PPFIBP1: variants seen among roughly 807,000 people sequenced by gnomAD.
PPFIBP1 encodes PPFIB scaffold protein 1.
A neutral mutation model predicts 137.8 loss-of-function variants in PPFIBP1; 112 were observed. The observed-to-expected ratio is 0.81, with a 90% CI of 0.70 to 0.95. The LOEUF (loss-of-function observed/expected upper bound fraction) is 0.95, where lower values mean the gene tolerates loss of function less well. Among genes scored for constraint, PPFIBP1 ranks in the 40% least tolerant of loss-of-function variants. The probability of loss-of-function intolerance (pLI) is 0.00; values close to 1 mark genes in which losing one functional copy is unlikely to be tolerated. For synonymous variants in PPFIBP1, 378 were observed against 417.3 expected, an observed-to-expected ratio of 0.91 and a Z score of 1.15; for missense variants, 1,083 against 1,196.6, an observed-to-expected ratio of 0.91 and a Z score of 1.40.
chr12:27,562,821 CAG>C (rs1403788280), intron 1 of PPFIBP1, among the ~76,000 whole-genome samples: 3 of 152,180 alleles, frequency 2.0e-5, no homozygotes, highest in African/African-American at 4.8e-5. Context: ...TAATATTTAA[CAG>C]AGTCATTTGC....
chr12:27,552,835 C>T (rs1035750301), intron 1 of PPFIBP1: 2 of 151,998 alleles, frequency 1.3e-5, no homozygotes, highest in African/African-American at 4.8e-5. Context: ...GGGTGGGAGT[C>T]AGTGGATGGA....
intron 2 of PPFIBP1, among the ~76,000 whole-genome samples, chr12:27,585,091 A>C (rs2051570299): frequency 6.6e-6 from 1 of 152,226 alleles, no homozygotes; most frequent in Non-Finnish European, 1.5e-5. Flanking sequence ...TGTGACACAG[A>C]GGTTATGTAT....
intron 2 of PPFIBP1, among the ~76,000 whole-genome samples, chr12:27,615,152 C>T (rs1468334736): frequency 6.6e-6 from 1 of 152,198 alleles, no homozygotes. Flanking sequence ...CCGAAAGCCT[C>T]AGCAGAGTGT....
chr12:27,585,480 G>A (rs926756686), intron 2 of PPFIBP1, among the ~76,000 whole-genome samples: 2 of 152,148 alleles, frequency 1.3e-5, no homozygotes, highest in African/African-American at 4.8e-5. Context: ...GATGTTATCC[G>A]TTTAAATTAT....
chr12:27,545,417 C>T (rs1946130859), intron 1 of PPFIBP1, among the ~76,000 whole-genome samples: 1 of 152,122 alleles, frequency 6.6e-6, no homozygotes, highest in South Asian at 2.1e-4. Context: ...CCTGAGATAA[C>T]AATCCAGTTG....
In PPFIBP1 at chr12:27,643,569, G is replaced by A. The variant is rs1177304530; in HGVS notation, c.271-2493G>A. Among the ~76,000 whole-genome samples, 11 of 121,978 alleles carry A rather than the reference G, an allele frequency of 9.0e-5. 1 individual carries two copies. Among genetic ancestry groups the A allele is most frequent in the African/African-American group, 3.9e-4 (11 of 28,206 alleles). The allele number at this position is 121,978 out of a possible 152,430, so 80.0% of individuals were successfully genotyped here. On this transcript the variant is annotated intron_variant, in intron 4 of 29. Coordinates refer to ENST00000228425, the MANE Select transcript of PPFIBP1 (RefSeq NM_003622.4). ...AGAAGAAGAAAGGGTGGGAAAAGAC[G>A]GTCCGTGCAGAAGGAATAAAAGTAG...
rs1469777765 is a variant in PPFIBP1, at chr12:27,607,043, G to T, written c.-35-26319G>T. 2.6e-5 allele frequency among the ~76,000 whole-genome samples: 4 copies of T among 152,324 alleles called. No individual in the cohort carries two copies. In the East Asian group the frequency reaches 7.7e-4, roughly 29 times the overall value. ...ATGGGGCCTAGAATCTGCACTCTCA[G>T]CATGCATTCCATGTGATTCTTATGC... On this transcript the variant is annotated intron_variant, in intron 2 of 29. Transcript: ENST00000228425.
At chr12:27,555,628 C>T (rs549894573) in intron 1 of PPFIBP1, among the ~76,000 whole-genome samples, 2 of 152,312 alleles carry the variant, frequency 1.3e-5, no homozygotes, top group Non-Finnish European at 2.9e-5. Flanking sequence ...AACTCTTCCC[C>T]TTTTCTCTAT....
intron 2 of PPFIBP1, among the ~76,000 whole-genome samples, chr12:27,606,335 T>G (rs1351933816): frequency 2.9e-5 from 1 of 34,258 alleles, no homozygotes; most frequent in Non-Finnish European, 7.6e-5. Flanking sequence ...TGGGGGAGGA[T>G]GAGTTCTCAT....
At chr12:27,578,107 G>A (rs2050723465) in intron 1 of PPFIBP1, 45 bp from the exon 2 acceptor site, 1 of 152,122 alleles carries the variant, frequency 6.6e-6, no homozygotes, top group African/African-American at 2.4e-5. Context: ...TTTTTCTGAT[G>A]TGCTATAATT....
chr12:27,688,877 A>T (rs2061349779), intron 26 of PPFIBP1, 138 bp from the exon 27 acceptor site: 6 of 748,110 alleles, frequency 8.0e-6, no homozygotes, highest in Non-Finnish European at 1.1e-5. Flanking sequence ...CAAAGTCCAT[A>T]TTGTGTCTAC....
intron 2 of PPFIBP1, among the ~76,000 whole-genome samples, chr12:27,620,984 C>G (rs1041546384): frequency 2.0e-5 from 3 of 152,010 alleles, no homozygotes; most frequent in African/African-American, 7.2e-5. Context: ...CTTTCTTTTT[C>G]TTCACTACTG....
chr12:27,688,942 A>G, intron 26 of PPFIBP1, 73 bp from the exon 27 acceptor site: 1 of 1,493,036 alleles, frequency 6.7e-7, no homozygotes, highest in Non-Finnish European at 9.0e-7. Flanking sequence ...AGCTTTGCAA[A>G]TTATAAAGCA....
chr12:27,642,434 A>T (rs2058178444), intron 4 of PPFIBP1, among the ~76,000 whole-genome samples: 1 of 152,270 alleles, frequency 6.6e-6, no homozygotes, highest in East Asian at 1.9e-4. Flanking sequence ...ACTTAAATAC[A>T]TTTTAAGTTA....
At chr12:27,569,349 C>T (rs1009541122) in intron 1 of PPFIBP1, among the ~76,000 whole-genome samples, 2 of 152,162 alleles carry the variant, frequency 1.3e-5, no homozygotes, top group African/African-American at 2.4e-5. Flanking sequence ...GTAGAAGTCT[C>T]GTATTATCTT....
At chr12:27,658,576 C>G (rs1008391577) in intron 9 of PPFIBP1, among the ~76,000 whole-genome samples, 4 of 152,118 alleles carry the variant, frequency 2.6e-5, no homozygotes, top group African/African-American at 9.7e-5. Flanking sequence ...AAATCAAGGT[C>G]CAGAAAAATG....
chr12:27,554,495 C>T (rs1592422640), intron 1 of PPFIBP1, among the ~76,000 whole-genome samples: 1 of 152,058 alleles, frequency 6.6e-6, no homozygotes, highest in African/African-American at 2.4e-5. Flanking sequence ...TCCGTACAAA[C>T]GATGACAATG....
chr12:27,624,465 A>G (rs1369299890), intron 2 of PPFIBP1, among the ~76,000 whole-genome samples: 2 of 152,226 alleles, frequency 1.3e-5, no homozygotes, highest in East Asian at 3.8e-4. Flanking sequence ...GAGAAGTAAA[A>G]GATCTTGGCT....
chr12:27,633,285 A>G, intron 2 of PPFIBP1, 77 bp from the exon 3 acceptor site: 1 of 965,728 alleles, frequency 1.0e-6, no homozygotes, highest in Non-Finnish European at 1.6e-6. Flanking sequence ...CAGAGTTATC[A>G]TTTGAAGGTG....
Sources: gnomAD v4.1 joint callset for allele counts (sites outside exome capture counted in the v4.1 genomes callset) on GRCh38, gnomAD v4.1.1 for gene constraint, MANE v1.5 for transcripts, NCBI Gene and HGNC (gene_info 2026-07-23, HGNC 2026-07-21) for gene names.